The following TGS1 variants were observed in gnomAD, a reference collection of about 807,000 sequenced individuals.
TGS1 encodes trimethylguanosine synthase.
A neutral mutation model predicts 92.2 loss-of-function variants in TGS1; 69 were observed. That is an observed-to-expected ratio of 0.75 (90% CI 0.62 to 0.91). TGS1 has a LOEUF of 0.91. Ranked by LOEUF, TGS1 falls within the 40% of genes least tolerant of loss-of-function variation. The pLI is 0.00. For synonymous variants in TGS1, 345 were observed against 338.1 expected, an observed-to-expected ratio of 1.02 and a Z score of -0.22; for missense variants, 1,062 against 1,001.2, an observed-to-expected ratio of 1.06 and a Z score of -0.82.
chr8:55,792,660 G>C lies in TGS1; in HGVS notation c.1281-38G>C. ...TTTATCTGAACTAGTGGGCTCTGGT[G>C]GTAATGGCTTATCACTGTTTACCTT... On this transcript the variant is annotated intron_variant, in intron 5 of 12. Coordinates refer to ENST00000260129, the MANE Select transcript of TGS1 (RefSeq NM_024831.8). 2.1e-6 allele frequency: 3 copies of C among 1,444,422 alleles called. No homozygotes were observed. The South Asian group carries it at 3.4e-5, about 17-fold the overall frequency. 89.5% of individuals were successfully genotyped at this position (1,444,422 alleles called of 1,614,324 possible). A position where few individuals can be genotyped will look rare whatever the true frequency, so the allele number is the denominator to read the frequency against.
chr8:55,793,152 A>T (rs1585768378), intron 6 of TGS1, among the ~76,000 whole-genome samples: 2 of 152,268 alleles, frequency 1.3e-5, no homozygotes, highest in East Asian at 3.8e-4. Flanking sequence ...ACATGCCATG[A>T]AACGTTGAAA....
Position 55,802,479 on chromosome 8 carries a change from CAAG to C in TGS1, c.1881_1883del (p.Lys627del), listed in dbSNP as rs767334273. 33 of 1,613,392 alleles carry C rather than the reference CAAG, an allele frequency of 2.0e-5. No homozygotes were observed. Among genetic ancestry groups the C allele is most frequent in the Middle Eastern group, 1.6e-4 (1 of 6,062 alleles). ...TAGCTGAAGTGAAAAAGAAGAAGAA[CAAG>C]AAGAAGAACAAAAAGGTGAATGGTC... is the stretch of plus-strand genomic sequence containing the variant. On this transcript the variant is annotated inframe_deletion, in exon 9 of 13. Transcript: ENST00000260129.
chr8:55,818,235 T>TGGG (rs1803537921), intron 12 of TGS1, among the ~76,000 whole-genome samples: 1 of 152,178 alleles, frequency 6.6e-6, no homozygotes, highest in African/African-American at 2.4e-5. Flanking sequence ...TGGAGGGCAG[T>TGGG]GGTGTGATCA....
intron 12 of TGS1, among the ~76,000 whole-genome samples, chr8:55,816,739 G>A (rs936353630): frequency 2.6e-5 from 4 of 152,040 alleles, no homozygotes; most frequent in African/African-American, 9.7e-5. Flanking sequence ...ATTTGGGCAA[G>A]GCAAATCCTA....
rs898713794 is a variant in TGS1 at position 55,786,409 on chromosome 8, C to G, written c.511C>G (p.Leu171Val). 6.2e-7 allele frequency: 1 copy of G among 1,613,406 alleles called. No individual in the cohort carries two copies. The highest frequency in any genetic ancestry group is 1.3e-5 in the African/African-American group (1 of 74,948). ...GTATGAGAACACCAGAACATATGAA[C>G]TTCAAAGCAAAAAAGATACTGAGAC... ...EQYENTRTYE[L>V]QSKKDTETEN... Residue 171 changes from leucine (L) to valine (V), a missense_variant, in exon 4 of 13, where the codon CTT (leucine) becomes GTT (valine). Transcript: ENST00000260129.
At chr8:55,824,226 C>T (rs529093728) in intron 12 of TGS1, among the ~76,000 whole-genome samples, 61 of 152,214 alleles carry the variant, frequency 4.0e-4, no homozygotes, top group Middle Eastern at 6.8e-3. Context: ...GACCCTGCCT[C>T]TAATGTTTAA....
chr8:55,812,894 TTC>T lies in TGS1; in HGVS notation c.2361-142_2361-141del. On this transcript the variant is annotated intron_variant, in intron 11 of 12. Transcript: ENST00000260129. ...CTGAATTACAAAATTTTGTATGTAA[TTC>T]TCTTTTAGGTTCCATTAGAGGGTTT... is the stretch of plus-strand genomic sequence containing the variant. The T allele has an allele frequency of 2.1e-5, 13 of 628,114 alleles. 1 individual carries two copies. In the South Asian group the frequency reaches 2.4e-4, roughly 11 times the overall value. The allele number at this position is 628,114 out of a possible 1,614,324, so 38.9% of individuals were successfully genotyped here.
chr8:55,821,701 G>A (rs564623578), intron 12 of TGS1, among the ~76,000 whole-genome samples: 1 of 152,028 alleles, frequency 6.6e-6, no homozygotes, highest in Admixed American at 6.6e-5. Flanking sequence ...GTGAAACCCT[G>A]TCTCTACTAA....
chr8:55,790,208 A>G lies in TGS1; in HGVS notation c.1189A>G (p.Thr397Ala). The G allele has an allele frequency of 6.2e-7, 1 of 1,614,048 alleles. No homozygotes were observed. The highest frequency in any genetic ancestry group is 8.5e-7 in the Non-Finnish European group (1 of 1,179,910). ...EDSQKSSGANTSKDRPHASGT... is the reference protein window; with the variant it reads ...EDSQKSSGANASKDRPHASGT... ...TTCACAGAAGTCTTCAGGAGCAAAC[A>G]CAAGCAAAGACAGACCACATGCCAG... The change falls in exon 5 of 13, where the codon ACA becomes GCA. Residue 397 changes from threonine (T) to alanine (A), a missense_variant. Physicochemically the swap from Thr to Ala is moderately conservative, Grantham distance 58. Transcript: ENST00000260129.
chr8:55,810,762 C>T, intron 10 of TGS1, 119 bp from the exon 11 acceptor site: 2 of 795,794 alleles, frequency 2.5e-6, no homozygotes, highest in East Asian at 2.5e-5. Flanking sequence ...GGCCAAATGT[C>T]TCCTCCTCTT....
At chr8:55,816,163 C>CCTTT (rs1165434308) in intron 12 of TGS1, among the ~76,000 whole-genome samples, 2 of 152,066 alleles carry the variant, frequency 1.3e-5, no homozygotes, top group African/African-American at 4.8e-5. Flanking sequence ...GCCATGCTTT[C>CCTTT]CTTTCTTTCT....
intron 5 of TGS1, among the ~76,000 whole-genome samples, chr8:55,791,853 G>A (rs776351480): frequency 2.8e-4 from 43 of 152,168 alleles, no homozygotes; most frequent in Admixed American, 2.0e-3. Flanking sequence ...AATAATGTAA[G>A]GTGGGATGTA....
rs1267825646 is a variant in TGS1, at chr8:55,786,358, T to G, written c.460T>G (p.Ser154Ala). ...KEYEEDDILA[S>A]DDPSSIEQYE... ...ATATGAAGAAGACGACATTTTGGCT[T>G]CAGATGATCCATCTTCAATTGAACA... Residue 154 changes from serine to alanine, a missense_variant, in exon 4 of 13, where the codon TCA becomes GCA. Physicochemically the swap from Ser to Ala is moderately conservative, Grantham distance 99. Coordinates refer to ENST00000260129, the MANE Select transcript of TGS1 (RefSeq NM_024831.8). 5 of 1,613,508 alleles carry G rather than the reference T, an allele frequency of 3.1e-6. No individual in the cohort carries two copies. Among genetic ancestry groups the G allele is most frequent in the Non-Finnish European group, 4.2e-6 (5 of 1,179,872 alleles).
rs752690978 is a variant in TGS1, at chr8:55,813,082, T to C, written c.2403T>C (p.Ile801=). 6.8e-6 allele frequency: 11 copies of C among 1,610,926 alleles called. No individual in the cohort carries two copies. The South Asian group carries it at 1.1e-4, about 16-fold the overall frequency. ...TTTCTAAGAAGATCACTAATAATAT[T>C]GTTTATTTTCTTCCAAGAAATGCTG... ...FRLSKKITNN[I]VYFLPRNADI... The change falls in exon 12 of 13, where the codon ATT becomes ATC. Residue 801 remains isoleucine, a synonymous_variant. Transcript: ENST00000260129.
intron 1 of TGS1, among the ~76,000 whole-genome samples, chr8:55,776,304 A>C (rs555713728): frequency 7.8e-5 from 11 of 140,318 alleles, no homozygotes; most frequent in Non-Finnish European, 7.7e-5. Context: ...TTTTTGAGAC[A>C]GAGTCTCGCT....
chr8:55,825,688 A>G lies in TGS1; in HGVS notation c.*985A>G, dbSNP rs1488321850. 2.0e-5 allele frequency among the ~76,000 whole-genome samples: 3 copies of G among 152,188 alleles called. No individual in the cohort carries two copies. The highest frequency in any genetic ancestry group is 4.4e-5 in the Non-Finnish European group (3 of 68,038). On this transcript the variant is annotated 3_prime_UTR_variant, in exon 13 of 13. Coordinates refer to ENST00000260129, the MANE Select transcript of TGS1 (RefSeq NM_024831.8). Reference sequence around the variant, plus strand: ...TACTAGAAAATTAGACTAGAAAAATAGCTGTTATATAAATAACTTTGTTGG... The same window carrying G: ...TACTAGAAAATTAGACTAGAAAAATGGCTGTTATATAAATAACTTTGTTGG...
chr8:55,783,684 CAG>C (rs746653767), intron 2 of TGS1, among the ~76,000 whole-genome samples: 8 of 152,292 alleles, frequency 5.3e-5, no homozygotes, highest in Admixed American at 1.3e-4. Flanking sequence ...TTCCTAGACA[CAG>C]AGAAAATTAC....
intron 1 of TGS1, among the ~76,000 whole-genome samples, chr8:55,775,663 G>T (rs1811376450): frequency 6.6e-6 from 1 of 152,104 alleles, no homozygotes; most frequent in Non-Finnish European, 1.5e-5. Context: ...ATTTTGATTT[G>T]GGGGTATCTA....
chr8:55,814,406 T>G (rs1803416623), intron 12 of TGS1, among the ~76,000 whole-genome samples: 1 of 152,110 alleles, frequency 6.6e-6, no homozygotes, highest in Non-Finnish European at 1.5e-5. Context: ...TAAATGAAAT[T>G]AACAAGCCTG....
Sources: gnomAD v4.1 joint callset for allele counts (sites outside exome capture counted in the v4.1 genomes callset) on GRCh38, gnomAD v4.1.1 for gene constraint, MANE v1.5 for transcripts, NCBI Gene and HGNC (gene_info 2026-07-23, HGNC 2026-07-21) for gene names.